Variants in KLF12 observed in about 807,000 individuals in gnomAD.
KLF12 encodes the protein KLF transcription factor 12, also known as Krueppel-like factor 12.
Under a neutral mutation model 37.8 loss-of-function variants are expected in KLF12, and 9 were observed. The observed-to-expected ratio is 0.24, with a 90% CI of 0.14 to 0.42. The LOEUF is 0.42. Among genes scored for constraint, KLF12 ranks in the 10% least tolerant of loss-of-function variants. The pLI, the probability that KLF12 is intolerant of heterozygous loss-of-function variation, is 1.00. For missense variants in KLF12, 411 were observed against 516.0 expected, an observed-to-expected ratio of 0.80 and a Z score of 1.97; for synonymous variants, 208 against 202.1, an observed-to-expected ratio of 1.03 and a Z score of -0.25.
At chr13:74,057,380 G>A (rs887996419) in intron 1 of KLF12, among the ~76,000 whole-genome samples, 14 of 152,172 alleles carry the variant, frequency 9.2e-5, no homozygotes, top group Non-Finnish European at 1.9e-4. Flanking sequence ...AGAGGGAACT[G>A]TGACCTCCTC....
the KLF12 span, among the ~76,000 whole-genome samples, chr13:74,296,013 G>A: frequency 1.3e-5 from 2 of 151,900 alleles, no homozygotes; most frequent in Non-Finnish European, 1.5e-5. Context: ...AGCAGAGATG[G>A]GGTTTCATCA....
At chr13:74,108,500 T>C (rs974068239) in intron 1 of KLF12, among the ~76,000 whole-genome samples, 2 of 152,170 alleles carry the variant, frequency 1.3e-5, no homozygotes, top group Non-Finnish European at 2.9e-5. Context: ...GACCTTTGAA[T>C]GTGGGGGGTG....
the KLF12 span, among the ~76,000 whole-genome samples, chr13:74,244,463 TG>T: frequency 6.6e-6 from 1 of 152,180 alleles, no homozygotes; most frequent in Non-Finnish European, 1.5e-5. Context: ...CATCACAAGT[TG>T]CAGACAGGGA....
intron 1 of KLF12, among the ~76,000 whole-genome samples, chr13:74,125,794 AAATAT>A (rs1428411305): frequency 6.6e-6 from 1 of 152,250 alleles, no homozygotes; most frequent in Non-Finnish European, 1.5e-5. Context: ...GATCTACAAC[AAATAT>A]AATAATACAG....
chr13:74,122,795 T>C (rs888577660), intron 1 of KLF12, among the ~76,000 whole-genome samples: 7 of 152,152 alleles, frequency 4.6e-5, no homozygotes, highest in Non-Finnish European at 8.8e-5. Flanking sequence ...CTCCTTCCAT[T>C]TTTGTAAGCA....
intron 4 of KLF12, among the ~76,000 whole-genome samples, chr13:73,828,885 T>A (rs1317790747): frequency 7.0e-6 from 1 of 142,000 alleles, no homozygotes; most frequent in Admixed American, 7.0e-5. Flanking sequence ...TGCCCTTTTG[T>A]ATTTCCAAGA....
At chr13:73,854,305 G>A (rs1324534912) in intron 3 of KLF12, among the ~76,000 whole-genome samples, 1 of 152,174 alleles carries the variant, frequency 6.6e-6, no homozygotes, top group African/African-American at 2.4e-5. Context: ...TTTAAAATAT[G>A]CAATAATGTT....
the KLF12 span, among the ~76,000 whole-genome samples, chr13:74,194,504 G>GTCCTCAT: frequency 9.2e-5 from 14 of 152,174 alleles, no homozygotes; most frequent in Admixed American, 8.5e-4. Context: ...CATAGGGCAG[G>GTCCTCAT]AGGGAGGACA....
chr13:73,801,164 C>T (rs957168573), intron 5 of KLF12: 7 of 152,158 alleles, frequency 4.6e-5, no homozygotes, highest in African/African-American at 1.7e-4. Context: ...GAGAATGTGT[C>T]CTTCACTTTT....
chr13:73,994,889 C>T lies in KLF12; in HGVS notation c.33+101G>A, dbSNP rs150824324. On this transcript the variant is annotated intron_variant, in intron 2 of 7. Transcript: ENST00000377669. ...CACATGTAAGTACTGACCTCTGTCT[C>T]GTATTCACACAAGAAGGTACTCTAA... is the stretch of plus-strand genomic sequence containing the variant. The T allele has an allele frequency of 2.2e-3, 1,776 of 800,740 alleles. 16 individuals carry two copies. The highest frequency in any genetic ancestry group is 3.8e-3 in the East Asian group (155 of 40,692). 49.6% of individuals were successfully genotyped at this position (800,740 alleles called of 1,614,324 possible).
the KLF12 span, among the ~76,000 whole-genome samples, chr13:74,200,920 A>G: frequency 4.6e-5 from 7 of 152,238 alleles, no homozygotes; most frequent in African/African-American, 1.7e-4. Context: ...GGAGCCCAAC[A>G]CACAGATGAT....
At chr13:73,903,388 A>G (rs1192980554) in intron 3 of KLF12, among the ~76,000 whole-genome samples, 3 of 152,250 alleles carry the variant, frequency 2.0e-5, no homozygotes, top group African/African-American at 7.2e-5. Context: ...TACAAGGGAA[A>G]TAAAAGGGAA....
chr13:74,289,333 T>A, the KLF12 span: 17 of 152,284 alleles, frequency 1.1e-4, no homozygotes, highest in African/African-American at 4.1e-4. Flanking sequence ...GGTGACACGG[T>A]TATTAATACT....
intron 1 of KLF12, among the ~76,000 whole-genome samples, chr13:74,065,154 TCATA>T (rs200163999): frequency 9.9e-5 from 15 of 151,882 alleles, no homozygotes; most frequent in African/African-American, 3.1e-4. Context: ...TTTTACTGAT[TCATA>T]CATACAATCT....
intron 6 of KLF12, among the ~76,000 whole-genome samples, chr13:73,717,169 G>A (rs1007655404): frequency 6.6e-6 from 1 of 152,144 alleles, no homozygotes; most frequent in Non-Finnish European, 1.5e-5. Context: ...ATGAAACTTT[G>A]TTTACAGAAA....
chr13:73,885,757 G>A (rs533514460), intron 3 of KLF12, among the ~76,000 whole-genome samples: 1 of 152,196 alleles, frequency 6.6e-6, no homozygotes, highest in Non-Finnish European at 1.5e-5. Context: ...TTAAGCTTGG[G>A]AGAAAAACCT....
chr13:74,265,154 A>C, the KLF12 span, among the ~76,000 whole-genome samples: 1 of 152,186 alleles, frequency 6.6e-6, no homozygotes, highest in East Asian at 1.9e-4. Context: ...TATCTACAAA[A>C]ATGTGATTGT....
chr13:73,860,073 A>C (rs1344229795), intron 3 of KLF12, among the ~76,000 whole-genome samples: 1 of 152,178 alleles, frequency 6.6e-6, no homozygotes, highest in African/African-American at 2.4e-5. Flanking sequence ...TGTGAAAAGG[A>C]TACATGCCTG....
At chr13:74,143,943 T>C in the KLF12 span, among the ~76,000 whole-genome samples, 1 of 152,214 alleles carries the variant, frequency 6.6e-6, no homozygotes, top group South Asian at 2.1e-4. Context: ...GTATTTTCAA[T>C]TTACAGTTGG....
Sources: allele counts gnomAD v4.1 joint callset (sites outside exome capture counted in the v4.1 genomes callset), GRCh38; gene constraint gnomAD v4.1.1; transcripts MANE v1.5; gene names NCBI Gene and HGNC (gene_info 2026-07-23, HGNC 2026-07-21).